The following ATXN7L1 variants were observed in gnomAD, a reference collection of about 807,000 sequenced individuals.
The protein encoded by ATXN7L1 is ataxin 7 like 1.
Under a neutral mutation model 70.8 loss-of-function variants are expected in ATXN7L1, and 15 were observed. That is an observed-to-expected ratio of 0.21 (90% CI 0.14 to 0.33). ATXN7L1 has a LOEUF of 0.33. ATXN7L1 is among the 10% of genes least tolerant of loss of function. The pLI, the probability that ATXN7L1 is intolerant of heterozygous loss-of-function variation, is 1.00. For missense variants in ATXN7L1, 975 were observed against 1,097.1 expected, an observed-to-expected ratio of 0.89 and a Z score of 1.57; for synonymous variants, 440 against 445.1, an observed-to-expected ratio of 0.99 and a Z score of 0.14.
chr7:105,686,184 G>C (rs1203859171), intron 3 of ATXN7L1, among the ~76,000 whole-genome samples: 1 of 151,986 alleles, frequency 6.6e-6, no homozygotes, highest in Non-Finnish European at 1.5e-5. Flanking sequence ...ATTATATCTG[G>C]ATAAACCCAT....
chr7:105,737,691 TG>T (rs1242225478), intron 3 of ATXN7L1, among the ~76,000 whole-genome samples: 9 of 152,004 alleles, frequency 5.9e-5, no homozygotes, highest in Admixed American at 5.9e-4. Context: ...TAATTGGAGG[TG>T]GGGGTGATGT....
intron 3 of ATXN7L1, among the ~76,000 whole-genome samples, chr7:105,776,273 C>A (rs1011018611): frequency 6.6e-6 from 1 of 152,154 alleles, no homozygotes; most frequent in African/African-American, 2.4e-5. Context: ...GGATCAAAGC[C>A]ATGGCCTCCC....
intron 2 of ATXN7L1, among the ~76,000 whole-genome samples, chr7:105,833,243 A>G (rs1284603804): frequency 6.6e-6 from 1 of 152,076 alleles, no homozygotes; most frequent in East Asian, 1.9e-4. Context: ...CAGATCATTC[A>G]GTCTCCCTTG....
chr7:105,756,741 T>G (rs1334927307), intron 3 of ATXN7L1, among the ~76,000 whole-genome samples: 1 of 152,158 alleles, frequency 6.6e-6, no homozygotes, highest in Non-Finnish European at 1.5e-5. Flanking sequence ...CCCATGAACA[T>G]AATTATTAGT....
At chr7:105,693,779 C>T (rs1791355540) in intron 3 of ATXN7L1, among the ~76,000 whole-genome samples, 2 of 152,112 alleles carry the variant, frequency 1.3e-5, no homozygotes, top group Admixed American at 6.5e-5. Context: ...CACATAGTGG[C>T]TTTCTCTTTC....
intron 2 of ATXN7L1, among the ~76,000 whole-genome samples, chr7:105,826,108 G>A (rs1223290428): frequency 6.6e-6 from 1 of 152,236 alleles, no homozygotes; most frequent in Non-Finnish European, 1.5e-5. Flanking sequence ...AGAGTGAAAA[G>A]TGGTTGCCTC....
chr7:105,620,086 T>G (rs1313580093), intron 9 of ATXN7L1, 114 bp downstream of exon 9: 4 of 1,336,792 alleles, frequency 3.0e-6, no homozygotes, highest in Non-Finnish European at 4.1e-6. Flanking sequence ...CATCCTGACT[T>G]CAGAATCATT....
At chr7:105,619,821 C>T (rs538020832) in intron 9 of ATXN7L1, among the ~76,000 whole-genome samples, 146 of 151,650 alleles carry the variant, frequency 9.6e-4, no homozygotes, top group African/African-American at 3.1e-3. Context: ...GCCTCCCAAG[C>T]GCTGGGATTA....
chr7:105,700,713 G>A (rs1197052337), intron 3 of ATXN7L1, among the ~76,000 whole-genome samples: 1 of 151,854 alleles, frequency 6.6e-6, no homozygotes, highest in Non-Finnish European at 1.5e-5. Context: ...GATAGGGTCT[G>A]GCTCTATCAC....
intron 3 of ATXN7L1, among the ~76,000 whole-genome samples, chr7:105,777,067 G>A (rs1802841378): frequency 6.6e-6 from 1 of 152,208 alleles, no homozygotes; most frequent in Non-Finnish European, 1.5e-5. Context: ...GCCAGGAAAA[G>A]TGCTCCCTGG....
chr7:105,611,967 T>C (rs945998992), intron 10 of ATXN7L1, among the ~76,000 whole-genome samples: 6 of 152,210 alleles, frequency 3.9e-5, no homozygotes, highest in Non-Finnish European at 7.3e-5. Context: ...GCTGACCATA[T>C]CCAAGGCAGC....
At chr7:105,675,350 C>T (rs924674300) in intron 3 of ATXN7L1, among the ~76,000 whole-genome samples, 2 of 152,062 alleles carry the variant, frequency 1.3e-5, no homozygotes, top group African/African-American at 2.4e-5. Flanking sequence ...AGGCTGGGTG[C>T]GGTGGTTCAC....
intron 2 of ATXN7L1, among the ~76,000 whole-genome samples, chr7:105,833,296 C>CTT (rs1811898287): frequency 6.6e-6 from 1 of 152,156 alleles, no homozygotes; most frequent in African/African-American, 2.4e-5. Context: ...GCTGCATTAT[C>CTT]TTTTGTTCAC....
chr7:105,627,311 T>G (rs1056411114), intron 7 of ATXN7L1, among the ~76,000 whole-genome samples: 1 of 152,160 alleles, frequency 6.6e-6, no homozygotes, highest in Non-Finnish European at 1.5e-5. Flanking sequence ...CATGGCTCAC[T>G]GCAGCCACAA....
intron 2 of ATXN7L1, among the ~76,000 whole-genome samples, chr7:105,789,639 C>A (rs1041650053): frequency 2.6e-5 from 4 of 152,102 alleles, no homozygotes; most frequent in African/African-American, 4.8e-5. Context: ...TGGAGGGAGT[C>A]TTGGCGCCTC....
intron 3 of ATXN7L1, among the ~76,000 whole-genome samples, chr7:105,741,138 G>A (rs567500056): frequency 5.3e-5 from 8 of 152,176 alleles, no homozygotes; most frequent in African/African-American, 1.9e-4. Context: ...AAGTTCACGC[G>A]GCTGGGCTGC....
In ATXN7L1 at chr7:105,606,241, T is replaced by G. The variant is rs544209451; in HGVS notation, c.*1611A>C. The stretch of plus-strand genomic sequence containing the variant: ...AAACAAATCATTTTATATTAAAAAA[T>G]TTAGTAATCCTATAAGAAACACTCA... On this transcript the variant is annotated 3_prime_UTR_variant, in exon 12 of 12. Coordinates refer to ENST00000419735, the MANE Select transcript of ATXN7L1 (RefSeq NM_020725.2). 6.6e-6 allele frequency: 1 copy of G among 152,336 alleles called. No individual in the cohort carries two copies. The highest frequency in any genetic ancestry group is 1.5e-5 in the Non-Finnish European group (1 of 68,028). The allele number at this position is 152,336 out of a possible 1,614,324, so 9.4% of individuals were successfully genotyped here. A position where few individuals can be genotyped will look rare whatever the true frequency, so the allele number is the denominator to read the frequency against.
intron 2 of ATXN7L1, among the ~76,000 whole-genome samples, chr7:105,805,197 G>A (rs554184496): frequency 1.1e-4 from 16 of 152,334 alleles, no homozygotes; most frequent in Admixed American, 9.2e-4. Flanking sequence ...AGGCAGAAAG[G>A]GCAAAGTGTG....
At chr7:105,652,027 C>T (rs1799925526) in intron 4 of ATXN7L1, among the ~76,000 whole-genome samples, 1 of 152,196 alleles carries the variant, frequency 6.6e-6, no homozygotes, top group Admixed American at 6.5e-5. Context: ...GGTCTCCAAA[C>T]CTGCTGGGAG....
Sources: gnomAD v4.1 joint callset for allele counts (sites outside exome capture counted in the v4.1 genomes callset) on GRCh38, gnomAD v4.1.1 for gene constraint, MANE v1.5 for transcripts, NCBI Gene and HGNC (gene_info 2026-07-23, HGNC 2026-07-21) for gene names.